The following L3MBTL4 variants were observed in gnomAD, a reference collection of about 807,000 sequenced individuals.
L3MBTL4 encodes the protein L3MBTL histone methyl-lysine binding protein 4, also known as lethal(3)malignant brain tumor-like protein 4.
L3MBTL4 carries 70 observed loss-of-function variants against 84.5 expected under a neutral mutation model. The observed-to-expected ratio is 0.83, with a 90% confidence interval of 0.68 to 1.01. L3MBTL4 has a LOEUF of 1.01. L3MBTL4 is among the 50% of genes least tolerant of loss of function. The pLI is 0.00. For synonymous variants in L3MBTL4, 274 were observed against 259.8 expected, an observed-to-expected ratio of 1.05 and a Z score of -0.52; for missense variants, 715 against 754.8, an observed-to-expected ratio of 0.95 and a Z score of 0.62.
intron 16 of L3MBTL4, among the ~76,000 whole-genome samples, chr18:5,988,309 A>C (rs935046534): frequency 2.6e-5 from 4 of 152,216 alleles, no homozygotes; most frequent in African/African-American, 9.7e-5. Context: ...AATACAAATA[A>C]AATTTTAGGC....
At chr18:6,039,081 G>A (rs2145692806) in intron 16 of L3MBTL4, among the ~76,000 whole-genome samples, 1 of 151,780 alleles carries the variant, frequency 6.6e-6, no homozygotes, top group African/African-American at 2.4e-5. Context: ...ATACAAAGAA[G>A]AGGTCACAGG....
intron 13 of L3MBTL4, among the ~76,000 whole-genome samples, chr18:6,155,653 C>A (rs895135062): frequency 8.5e-5 from 13 of 152,208 alleles, no homozygotes; most frequent in Admixed American, 6.5e-4. Context: ...GAAATGAATA[C>A]CAAAGCATAA....
At chr18:6,185,959 T>TATTTTATTATTTTA (rs2044707908) in intron 12 of L3MBTL4, among the ~76,000 whole-genome samples, 1 of 134,834 alleles carries the variant, frequency 7.4e-6, no homozygotes, top group African/African-American at 3.3e-5. Flanking sequence ...AAGGGCACTT[T>TATTTTATTATTTTA]CTTTATTTTA....
chr18:6,293,979 A>G (rs1192518115), intron 4 of L3MBTL4, among the ~76,000 whole-genome samples: 1 of 152,178 alleles, frequency 6.6e-6, no homozygotes, highest in Non-Finnish European at 1.5e-5. Flanking sequence ...ATGTTACTGG[A>G]GTAACTGGTG....
chr18:6,226,723 GATAA>G (rs1478698406), intron 10 of L3MBTL4, among the ~76,000 whole-genome samples: 1 of 152,070 alleles, frequency 6.6e-6, no homozygotes, highest in Admixed American at 6.6e-5. Flanking sequence ...TAGAGCAACT[GATAA>G]ATATTTTTAA....
chr18:6,351,901 G>T (rs1228917430), intron 1 of L3MBTL4, among the ~76,000 whole-genome samples: 3 of 151,608 alleles, frequency 2.0e-5, no homozygotes, highest in African/African-American at 7.3e-5. Flanking sequence ...GCCCATGCTG[G>T]TCTCAAACTC....
intron 16 of L3MBTL4, among the ~76,000 whole-genome samples, chr18:6,062,122 T>G (rs1317041669): frequency 6.6e-6 from 1 of 152,040 alleles, no homozygotes; most frequent in African/African-American, 2.4e-5. Flanking sequence ...ATAATTTTCC[T>G]TCTCTCTGGA....
intron 16 of L3MBTL4, among the ~76,000 whole-genome samples, chr18:6,065,612 T>G (rs1223777628): frequency 6.6e-6 from 1 of 152,092 alleles, no homozygotes; most frequent in Non-Finnish European, 1.5e-5. Context: ...ATCCATTTCC[T>G]CTAGGGTTTC....
At chr18:6,134,574 T>C (rs577644655) in intron 14 of L3MBTL4, among the ~76,000 whole-genome samples, 2 of 152,068 alleles carry the variant, frequency 1.3e-5, no homozygotes, top group African/African-American at 2.4e-5. Context: ...ATGGGAGAAA[T>C]TGGCCAAAAC....
At chr18:6,387,319 C>T (rs956088882) in intron 1 of L3MBTL4, among the ~76,000 whole-genome samples, 25 of 152,106 alleles carry the variant, frequency 1.6e-4, no homozygotes, top group African/African-American at 5.8e-4. Flanking sequence ...ACTAGGATAC[C>T]CATATGAGCA....
At chr18:6,263,665 C>T (rs1179530225) in intron 5 of L3MBTL4, among the ~76,000 whole-genome samples, 1 of 152,134 alleles carries the variant, frequency 6.6e-6, no homozygotes, top group Non-Finnish European at 1.5e-5. Flanking sequence ...TGATTTAGTC[C>T]TCCAACCACC....
At chr18:6,048,871 A>G (rs2145785813) in intron 16 of L3MBTL4, among the ~76,000 whole-genome samples, 1 of 152,310 alleles carries the variant, frequency 6.6e-6, no homozygotes, top group Non-Finnish European at 1.5e-5. Context: ...GTCAACAGAA[A>G]CAAGCAATGG....
chr18:6,021,343 G>T (rs2055245749), intron 16 of L3MBTL4, among the ~76,000 whole-genome samples: 1 of 152,164 alleles, frequency 6.6e-6, no homozygotes, highest in South Asian at 2.1e-4. Context: ...CTTTTTCAGG[G>T]TATTTCCATG....
At chr18:5,972,636 G>A (rs1212098799) in intron 16 of L3MBTL4, among the ~76,000 whole-genome samples, 1 of 152,066 alleles carries the variant, frequency 6.6e-6, no homozygotes, top group Non-Finnish European at 1.5e-5. Context: ...TGCCTTCTTT[G>A]TACTCTTTAG....
chr18:6,110,791 C>T (rs1032715022), intron 14 of L3MBTL4, among the ~76,000 whole-genome samples: 2 of 152,020 alleles, frequency 1.3e-5, no homozygotes, highest in Non-Finnish European at 2.9e-5. Context: ...CACTTGTCTG[C>T]CTACAGTTAC....
chr18:6,074,390 G>A (rs140273073), intron 16 of L3MBTL4, among the ~76,000 whole-genome samples: 1 of 152,260 alleles, frequency 6.6e-6, no homozygotes, highest in East Asian at 1.9e-4. Flanking sequence ...TTTATCACTG[G>A]GTGACAAGCA....
chr18:6,325,872 T>A (rs2051690792), intron 1 of L3MBTL4, among the ~76,000 whole-genome samples: 1 of 152,226 alleles, frequency 6.6e-6, no homozygotes, highest in Admixed American at 6.5e-5. Context: ...GTGGACACAG[T>A]ATGTTTTCTT....
intron 3 of L3MBTL4, among the ~76,000 whole-genome samples, chr18:6,303,755 AAT>A (rs1198029311): frequency 2.0e-5 from 3 of 152,062 alleles, no homozygotes; most frequent in African/African-American, 7.2e-5. Flanking sequence ...AAATCTAAAA[AAT>A]AGACTGCACA....
chr18:6,366,901 T>C (rs972557221), intron 1 of L3MBTL4, among the ~76,000 whole-genome samples: 2 of 152,338 alleles, frequency 1.3e-5, no homozygotes, highest in South Asian at 4.1e-4. Context: ...GATCTCCTTT[T>C]ACTCTAGCCA....
Sources: gnomAD v4.1 joint callset for allele counts (sites outside exome capture counted in the v4.1 genomes callset) on GRCh38, gnomAD v4.1.1 for gene constraint, MANE v1.5 for transcripts, NCBI Gene and HGNC (gene_info 2026-07-23, HGNC 2026-07-21) for gene names.